Variants in CSMD1 observed in about 807,000 individuals in gnomAD.
The protein encoded by CSMD1 is CUB and sushi domain-containing protein 1.
A neutral mutation model predicts 417.5 loss-of-function variants in CSMD1; 213 were observed. The observed-to-expected ratio is 0.51, with a 90% CI of 0.46 to 0.57. The LOEUF (loss-of-function observed/expected upper bound fraction) is 0.57, where lower values mean the gene tolerates loss of function less well. Ranked by LOEUF, CSMD1 falls within the 20% of genes least tolerant of loss-of-function variation. The pLI is 0.00. For synonymous variants in CSMD1, 2,862 were observed against 1,736.8 expected, an observed-to-expected ratio of 1.65 and a Z score of -16.11; for missense variants, 6,923 against 4,529.7, an observed-to-expected ratio of 1.53 and a Z score of -15.17.
chr8:4,485,983 T>C lies in CSMD1; in HGVS notation c.303-65918A>G, dbSNP rs78675208. On this transcript the variant is annotated intron_variant, in intron 2 of 69. Transcript: ENST00000635120. The stretch of plus-strand genomic sequence containing the variant: ...TGATATTGATACACACTGGAAGATC[T>C]GCTTGTGAATCCCTCCTTATGTAAT... Among the ~76,000 whole-genome samples the C allele has an allele frequency of 4.9e-3, 749 of 152,050 alleles. 4 individuals are homozygous for C. The highest frequency in any genetic ancestry group is 0.017 in the African/African-American group (712 of 41,466).
At chr8:3,727,430 C>A (rs537446021) in intron 6 of CSMD1, among the ~76,000 whole-genome samples, 12 of 152,062 alleles carry the variant, frequency 7.9e-5, no homozygotes, top group Non-Finnish European at 1.6e-4. Flanking sequence ...CTTTTCCTGT[C>A]TAATATTCTA....
intron 7 of CSMD1, among the ~76,000 whole-genome samples, chr8:3,651,925 C>T (rs1297929367): frequency 1.3e-5 from 2 of 151,112 alleles, no homozygotes; most frequent in East Asian, 3.9e-4. Flanking sequence ...ATCAGAGCAC[C>T]TACCACCATC....
chr8:4,789,541 G>T (rs768719428), intron 1 of CSMD1, among the ~76,000 whole-genome samples: 14 of 152,040 alleles, frequency 9.2e-5, no homozygotes, highest in South Asian at 4.2e-4. Flanking sequence ...ATCTACCTGG[G>T]ATCTACCACC....
At chr8:4,971,407 C>T (rs1356432497) in intron 1 of CSMD1, among the ~76,000 whole-genome samples, 1 of 152,028 alleles carries the variant, frequency 6.6e-6, no homozygotes, top group Non-Finnish European at 1.5e-5. Context: ...AAACTCTTTT[C>T]TCTAACACTA....
chr8:4,339,723 C>A (rs374754047), intron 3 of CSMD1, among the ~76,000 whole-genome samples: 1 of 151,892 alleles, frequency 6.6e-6, no homozygotes, highest in African/African-American at 2.4e-5. Context: ...TGAAAGAGGA[C>A]GGTATACGAA....
rs147659203 is a variant in CSMD1, at chr8:3,556,784, A to T, written c.1344+18161T>A. Among the ~76,000 whole-genome samples the T allele has an allele frequency of 1.3e-3, 199 of 152,236 alleles. 1 individual carries two copies. The highest frequency in any genetic ancestry group is 4.7e-3 in the African/African-American group (197 of 41,546). On this transcript the variant is annotated intron_variant, in intron 10 of 69. Coordinates refer to ENST00000635120, the MANE Select transcript of CSMD1 (RefSeq NM_033225.6). ...CTAGCTGCTCAGCCTCTGATCATAGAAAGACTGCCAAAAGAGGCGACCTTG... is the reference window on the plus strand; with the variant it reads ...CTAGCTGCTCAGCCTCTGATCATAGTAAGACTGCCAAAAGAGGCGACCTTG...
intron 1 of CSMD1, among the ~76,000 whole-genome samples, chr8:4,789,612 G>T (rs12675806): frequency 3.3e-5 from 5 of 152,154 alleles, no homozygotes; most frequent in Admixed American, 2.6e-4. Flanking sequence ...TCTCACTCCA[G>T]TGTGGGGAAG....
chr8:4,923,003 G>A (rs889722818), intron 1 of CSMD1, among the ~76,000 whole-genome samples: 1 of 152,038 alleles, frequency 6.6e-6, no homozygotes, highest in Non-Finnish European at 1.5e-5. Flanking sequence ...ACAGTCCCTA[G>A]CATCCACCTC....
chr8:4,123,289 A>G (rs910417442), intron 3 of CSMD1, among the ~76,000 whole-genome samples: 6 of 152,244 alleles, frequency 3.9e-5, no homozygotes, highest in African/African-American at 1.4e-4. Context: ...TATTAGGTCA[A>G]CAAACATTTT....
At chr8:4,451,185 C>T (rs1170629951) in intron 2 of CSMD1, among the ~76,000 whole-genome samples, 1 of 151,916 alleles carries the variant, frequency 6.6e-6, no homozygotes, top group African/African-American at 2.4e-5. Flanking sequence ...TAAAAATAAC[C>T]AAGTGTGATG....
chr8:4,540,752 T>C (rs1462556085), intron 2 of CSMD1, among the ~76,000 whole-genome samples: 1 of 152,132 alleles, frequency 6.6e-6, no homozygotes, highest in Non-Finnish European at 1.5e-5. Context: ...CTAAGGGCTG[T>C]CCACTTACCT....
chr8:3,720,623 A>T lies in CSMD1; in HGVS notation c.932-12132T>A, dbSNP rs13250771. Among the ~76,000 whole-genome samples, 303 of 54,596 alleles carry T rather than the reference A, an allele frequency of 5.5e-3. 2 individuals carry two copies. Among genetic ancestry groups the T allele is most frequent in the East Asian group, 0.027 (47 of 1,770 alleles). 35.8% of individuals were successfully genotyped at this position (54,596 alleles called of 152,430 possible). On this transcript the variant is annotated intron_variant, in intron 6 of 69. Coordinates refer to ENST00000635120, the MANE Select transcript of CSMD1 (RefSeq NM_033225.6). The stretch of plus-strand genomic sequence containing the variant: ...TGGTGGTCAAAGTCTTTATTCTTAC[A>T]CACACACACACACACACACACACAC...
chr8:3,463,162 C>G (rs1816614337), intron 12 of CSMD1, among the ~76,000 whole-genome samples: 1 of 152,216 alleles, frequency 6.6e-6, no homozygotes. Flanking sequence ...CCTGAATGAA[C>G]TAACTGTGCA....
rs545447357 is a variant in CSMD1 at position 4,223,529 on chromosome 8, G to C, written c.416-191430C>G. On this transcript the variant is annotated intron_variant, in intron 3 of 69. Coordinates refer to ENST00000635120, the MANE Select transcript of CSMD1 (RefSeq NM_033225.6). The stretch of plus-strand genomic sequence containing the variant: ...GGCGTAATCTACCACACCACTGCTC[G>C]TTAATAACCACCAGGAGAGCTGGCC... Among the ~76,000 whole-genome samples the C allele has an allele frequency of 3.0e-4, 45 of 152,340 alleles. 1 individual carries two copies. The highest frequency in any genetic ancestry group is 9.6e-4 in the African/African-American group (40 of 41,590).
chr8:3,115,467 G>A (rs543396164), intron 42 of CSMD1, among the ~76,000 whole-genome samples: 1 of 152,226 alleles, frequency 6.6e-6, no homozygotes, highest in Non-Finnish European at 1.5e-5. Context: ...CTCCCAAAGT[G>A]TTGGGATTAC....
intron 2 of CSMD1, among the ~76,000 whole-genome samples, chr8:4,593,920 G>C (rs905144726): frequency 6.6e-6 from 1 of 152,118 alleles, no homozygotes; most frequent in Non-Finnish European, 1.5e-5. Flanking sequence ...TTGAGGGCCA[G>C]GAGTCTGAAA....
At chr8:4,316,325 A>G (rs1393787326) in intron 3 of CSMD1, among the ~76,000 whole-genome samples, 1 of 152,102 alleles carries the variant, frequency 6.6e-6, no homozygotes, top group East Asian at 1.9e-4. Flanking sequence ...TAATCTGCAT[A>G]TTTTATTCCA....
intron 5 of CSMD1, among the ~76,000 whole-genome samples, chr8:3,967,063 A>C (rs565832717): frequency 1.1e-4 from 16 of 152,346 alleles, no homozygotes; most frequent in Non-Finnish European, 1.8e-4. Context: ...TATTGAAATC[A>C]GACATGAGCA....
At chr8:4,658,287 T>C (rs1171156417) in intron 1 of CSMD1, among the ~76,000 whole-genome samples, 3 of 152,088 alleles carry the variant, frequency 2.0e-5, no homozygotes, top group African/African-American at 7.2e-5. Flanking sequence ...AAGAGATCCA[T>C]ACTGGGACAT....
Sources: gnomAD v4.1 joint callset for allele counts (sites outside exome capture counted in the v4.1 genomes callset) on GRCh38, gnomAD v4.1.1 for gene constraint, MANE v1.5 for transcripts, NCBI Gene and HGNC (gene_info 2026-07-23, HGNC 2026-07-21) for gene names.